The following BCL2 variants were observed in gnomAD, a reference collection of about 807,000 sequenced individuals.
BCL2 encodes BCL2 apoptosis regulator, also known as apoptosis regulator Bcl-2.
BCL2 carries 1 observed loss-of-function variant against 14.2 expected under a neutral mutation model. That is an observed-to-expected ratio of 0.07 (90% CI 0.02 to 0.33). BCL2 has a LOEUF of 0.33. Among genes scored for constraint, BCL2 ranks in the 10% least tolerant of loss-of-function variants. The probability of loss-of-function intolerance (pLI) is 0.99; values close to 1 mark genes in which losing one functional copy is unlikely to be tolerated. For missense variants in BCL2, 247 were observed against 305.9 expected (o/e 0.81, Z 1.44); for synonymous variants, 151 against 137.2 (o/e 1.10, Z -0.70).
chr18:63,309,932 G>A (rs113388871), intron 2 of BCL2, among the ~76,000 whole-genome samples: 5,231 of 151,820 alleles, frequency 0.034, 128 homozygotes, highest in Non-Finnish European at 0.055. Context: ...ACACGATCTC[G>A]GCTCACTGCA....
intron 2 of BCL2, among the ~76,000 whole-genome samples, chr18:63,213,014 G>A (rs1373677281): frequency 6.6e-6 from 1 of 152,202 alleles, no homozygotes; most frequent in African/African-American, 2.4e-5. Flanking sequence ...CTCATGTGTT[G>A]TTCATGATTA....
At chr18:63,238,799 G>C (rs770030281) in intron 2 of BCL2, among the ~76,000 whole-genome samples, 3 of 152,194 alleles carry the variant, frequency 2.0e-5, no homozygotes, top group Non-Finnish European at 2.9e-5. Flanking sequence ...TCCTCTTTGG[G>C]CTCAGGGAGC....
intron 2 of BCL2, among the ~76,000 whole-genome samples, chr18:63,295,055 C>T (rs1157689460): frequency 2.6e-5 from 4 of 151,258 alleles, no homozygotes; most frequent in Admixed American, 2.6e-4. Flanking sequence ...GTCCCAGCTA[C>T]TCAGGAGGCT....
chr18:63,277,096 T>C (rs1912175444), intron 2 of BCL2, among the ~76,000 whole-genome samples: 1 of 152,192 alleles, frequency 6.6e-6, no homozygotes, highest in Admixed American at 6.5e-5. Context: ...GCCTTTGTCC[T>C]GGACCCTCCA....
chr18:63,151,818 TG>T lies in BCL2; in HGVS notation c.586-23060del, dbSNP rs1222456775. On this transcript the variant is annotated intron_variant, in intron 2 of 2. Transcript: ENST00000333681. ...CAAACACAAGCAAGTTGAAACCAAA[TG>T]CCCCCCAAACACTGGCTTTCTGTTA... 2.0e-5 allele frequency among the ~76,000 whole-genome samples: 3 copies of T among 152,308 alleles called. No individual in the cohort carries two copies. In the East Asian group the frequency reaches 5.8e-4, roughly 29 times the overall value.
At chr18:63,133,785 T>C (rs1301508048) in intron 2 of BCL2, among the ~76,000 whole-genome samples, 1 of 152,154 alleles carries the variant, frequency 6.6e-6, no homozygotes, top group East Asian at 1.9e-4. Context: ...GTAATGCATA[T>C]CAAAAGGCTT....
chr18:63,202,594 A>C (rs1251959051), intron 2 of BCL2, among the ~76,000 whole-genome samples: 1 of 152,212 alleles, frequency 6.6e-6, no homozygotes, highest in African/African-American at 2.4e-5. Context: ...ACAAACATGC[A>C]AAGACATGAT....
intron 2 of BCL2, among the ~76,000 whole-genome samples, chr18:63,264,604 G>T (rs1187477327): frequency 6.6e-6 from 1 of 152,176 alleles, no homozygotes; most frequent in African/African-American, 2.4e-5. Context: ...TGGTGTCTTT[G>T]AACAGCTTGC....
chr18:63,279,742 C>A (rs1032760346), intron 2 of BCL2, among the ~76,000 whole-genome samples: 17 of 152,280 alleles, frequency 1.1e-4, no homozygotes, highest in African/African-American at 3.4e-4. Flanking sequence ...GGAAAATGAA[C>A]AAACTTTAGC....
At chr18:63,216,689 CTG>C (rs1910214212) in intron 2 of BCL2, among the ~76,000 whole-genome samples, 1 of 152,216 alleles carries the variant, frequency 6.6e-6, no homozygotes, top group Middle Eastern at 3.2e-3. Flanking sequence ...GTGGAAGACA[CTG>C]TGCTAAGATG....
chr18:63,288,892 A>AGGGAT (rs1912552917), intron 2 of BCL2, among the ~76,000 whole-genome samples: 1 of 152,214 alleles, frequency 6.6e-6, no homozygotes, highest in East Asian at 1.9e-4. Context: ...GAATGCTGGC[A>AGGGAT]CATTTAGGCA....
chr18:63,260,011 T>C (rs1168678469), intron 2 of BCL2, among the ~76,000 whole-genome samples: 1 of 152,174 alleles, frequency 6.6e-6, no homozygotes, highest in African/African-American at 2.4e-5. Context: ...TCTCAACATA[T>C]TGTGAGGAAG....
chr18:63,191,680 G>A (rs1276625817), intron 2 of BCL2, among the ~76,000 whole-genome samples: 1 of 152,222 alleles, frequency 6.6e-6, no homozygotes. Flanking sequence ...TGGAGTTCAG[G>A]ATAAGCCCTA....
chr18:63,167,920 C>T (rs6567325), intron 2 of BCL2, among the ~76,000 whole-genome samples: 26,953 of 148,198 alleles, frequency 0.18, 3,085 homozygotes, highest in East Asian at 0.42. Flanking sequence ...AGTGAGACTC[C>T]GTCTCAAAAA....
chr18:63,247,661 G>A (rs559261343), intron 2 of BCL2, among the ~76,000 whole-genome samples: 60 of 152,140 alleles, frequency 3.9e-4, no homozygotes, highest in Admixed American at 6.5e-4. Context: ...CTGGTGGAGA[G>A]CGTCCTGAAT....
chr18:63,180,950 C>T (rs550149507), intron 2 of BCL2, among the ~76,000 whole-genome samples: 18 of 152,200 alleles, frequency 1.2e-4, no homozygotes, highest in African/African-American at 3.4e-4. Flanking sequence ...AGTGTACAGA[C>T]GCTTTGATTC....
In BCL2 at chr18:63,257,692, G is replaced by A. The variant is rs9807796; in HGVS notation, c.585+60390C>T. Among the ~76,000 whole-genome samples, 238 of 152,302 alleles carry A rather than the reference G, an allele frequency of 1.6e-3. 1 individual carries two copies. Among genetic ancestry groups the A allele is most frequent in the African/African-American group, 5.3e-3 (220 of 41,576 alleles). ...GGCTCAGAGGTAGAAGATGGGAGCCGAAAGAGTGAATGCTTTCATTTTTTA... is the reference window on the plus strand; with the variant it reads ...GGCTCAGAGGTAGAAGATGGGAGCCAAAAGAGTGAATGCTTTCATTTTTTA... On this transcript the variant is annotated intron_variant, in intron 2 of 2. Transcript: ENST00000333681.
intron 2 of BCL2, among the ~76,000 whole-genome samples, chr18:63,236,691 T>C (rs755517274): frequency 4.6e-5 from 7 of 152,160 alleles, no homozygotes; most frequent in Non-Finnish European, 5.9e-5. Flanking sequence ...GACCATTCAC[T>C]GCGCATCTGC....
At chr18:63,319,780 A>T, upstream of BCL2, 1 of 193,422 alleles carries the variant, frequency 5.2e-6, no homozygotes. Flanking sequence ...GGGGAGAAGG[A>T]GGTGGTGGGG....
Sources: allele counts gnomAD v4.1 joint callset (sites outside exome capture counted in the v4.1 genomes callset), GRCh38; gene constraint gnomAD v4.1.1; transcripts MANE v1.5; gene names NCBI Gene and HGNC (gene_info 2026-07-23, HGNC 2026-07-21).